The following ABCC6 variants were observed in gnomAD, a reference collection of about 807,000 sequenced individuals.
ABCC6 encodes ATP-binding cassette sub-family C member 6.
Under a neutral mutation model 169.5 loss-of-function variants are expected in ABCC6, and 126 were observed. The ratio of observed to expected loss-of-function variants is 0.74; its 90% CI spans 0.64 to 0.86. The LOEUF is 0.86. Among genes scored for constraint, ABCC6 ranks in the 40% least tolerant of loss-of-function variants. The probability of loss-of-function intolerance (pLI) is 0.00; values close to 1 mark genes in which losing one functional copy is unlikely to be tolerated. For synonymous variants in ABCC6, 752 were observed against 814.7 expected (o/e 0.92, Z 1.31); for missense variants, 1,733 against 1,927.2 (o/e 0.90, Z 1.89).
intron 4 of ABCC6, among the ~76,000 whole-genome samples, chr16:16,218,014 C>T (rs1167181992): frequency 2.0e-5 from 3 of 151,896 alleles, no homozygotes; most frequent in East Asian, 3.9e-4. Flanking sequence ...CGATTGAACC[C>T]GGAGGTGGAG....
chr16:16,152,116 C>T lies in ABCC6; in HGVS notation c.4209-1344G>A, dbSNP rs149282360. Among the ~76,000 whole-genome samples, 10 of 122,672 alleles carry T rather than the reference C, an allele frequency of 8.2e-5. No individual in the cohort carries two copies. The East Asian group carries it at 2.6e-3, about 32-fold the overall frequency. 80.5% of individuals were successfully genotyped at this position (122,672 alleles called of 152,430 possible). A position where few individuals can be genotyped will look rare whatever the true frequency, so the allele number is the denominator to read the frequency against. On this transcript the variant is annotated intron_variant, in intron 29 of 30. Transcript: ENST00000205557. ...CTGAGGCAGAAGAATGGTGTGAACC[C>T]GGGAGGCAGAGCTTGCAAGTGAGCC...
At chr16:16,207,418 CT>C (rs1302789194) in intron 7 of ABCC6, among the ~76,000 whole-genome samples, 3 of 152,146 alleles carry the variant, frequency 2.0e-5, no homozygotes, top group African/African-American at 7.2e-5. Flanking sequence ...AGGGATAGGC[CT>C]TATGGAGAGA....
rs181482647 is a variant in ABCC6 at position 16,159,669 on chromosome 16, G to A, written c.3634-86C>T. 4.0e-3 allele frequency: 4,946 copies of A among 1,246,884 alleles called. 34 individuals are homozygous for A. Among genetic ancestry groups the A allele is most frequent in the Non-Finnish European group, 3.7e-3 (3,176 of 865,512 alleles). 77.2% of individuals were successfully genotyped at this position (1,246,884 alleles called of 1,614,324 possible). A position where few individuals can be genotyped will look rare whatever the true frequency, so the allele number is the denominator to read the frequency against. On this transcript the variant is annotated intron_variant, in intron 25 of 30. Transcript: ENST00000205557. ...CCCCCTGGTTTCCCAACCTTTTCTG[G>A]GAGGCCAGACCCAGGGGAGTAAAGA...
intron 22 of ABCC6, among the ~76,000 whole-genome samples, chr16:16,168,283 G>A (rs1216543170): frequency 6.6e-6 from 1 of 152,240 alleles, no homozygotes. Flanking sequence ...CTGAGCCCAG[G>A]AGTTTGAGAC....
chr16:16,150,289 C>T (rs760027139), intron 30 of ABCC6, 48 bp from the exon 31 acceptor site: 1 of 1,611,758 alleles, frequency 6.2e-7, no homozygotes, highest in South Asian at 1.1e-5. Context: ...CCAGCCCAGG[C>T]TCTCGGCAGC....
At chr16:16,208,585 A>T in intron 7 of ABCC6, 143 bp downstream of exon 7, 1 of 1,329,046 alleles carries the variant, frequency 7.5e-7, no homozygotes, top group African/African-American at 1.5e-5. Flanking sequence ...TGTTGGCCAG[A>T]TTGGTCTTGA....
chr16:16,205,502 C>A, intron 7 of ABCC6, among the ~76,000 whole-genome samples: 1 of 152,058 alleles, frequency 6.6e-6, no homozygotes, highest in East Asian at 1.9e-4. Context: ...CTCTGTCCCA[C>A]ATTATTGGTC....
intron 2 of ABCC6, 53 bp downstream of exon 2, chr16:16,221,596 C>T (rs1276136341): frequency 6.3e-7 from 1 of 1,598,962 alleles, no homozygotes; most frequent in South Asian, 1.1e-5. Context: ...CCAGCCTGTC[C>T]CCTGCCTCCC....
At chr16:16,187,299 G>C (rs912764746) in intron 13 of ABCC6, 88 bp from the exon 14 acceptor site, 1 of 1,023,960 alleles carries the variant, frequency 9.8e-7, no homozygotes, top group South Asian at 1.3e-5. Flanking sequence ...TGTGGCAACA[G>C]CTTCCTGTCT....
At chr16:16,170,979 A>G (rs2047047576) in intron 21 of ABCC6, among the ~76,000 whole-genome samples, 1 of 148,712 alleles carries the variant, frequency 6.7e-6, no homozygotes, top group African/African-American at 2.5e-5. Context: ...AGAAATTCCA[A>G]GCTTCTTATC....
chr16:16,161,762 G>A (rs1275928113), intron 24 of ABCC6, among the ~76,000 whole-genome samples, 198 bp from the exon 25 acceptor site: 1 of 152,134 alleles, frequency 6.6e-6, no homozygotes, highest in Non-Finnish European at 1.5e-5. Context: ...AGGGTCTGGG[G>A]TACACTCGGT....
chr16:16,154,019 G>A lies in ABCC6; in HGVS notation c.4208+609C>T, dbSNP rs184622633. 1.4e-3 allele frequency among the ~76,000 whole-genome samples: 207 copies of A among 151,608 alleles called. 1 individual carries two copies. The highest frequency in any genetic ancestry group is 2.2e-3 in the Non-Finnish European group (151 of 67,926). On this transcript the variant is annotated intron_variant, in intron 29 of 30. Transcript: ENST00000205557. ...GGATGGAGTGCAGTGGTGCAATATC[G>A]GCTCACTGCAACCTTCGCCTCCCTG... is the stretch of plus-strand genomic sequence containing the variant.
chr16:16,161,185 A>G (rs554397443), intron 25 of ABCC6, among the ~76,000 whole-genome samples: 1 of 152,364 alleles, frequency 6.6e-6, no homozygotes, highest in Admixed American at 6.5e-5. Flanking sequence ...TTATAACATC[A>G]GAAGTAGTGG....
At chr16:16,173,845 A>G (rs1190015911) in intron 20 of ABCC6, among the ~76,000 whole-genome samples, 2 of 151,882 alleles carry the variant, frequency 1.3e-5, no homozygotes, top group Non-Finnish European at 2.9e-5. Flanking sequence ...CAGAATTTTT[A>G]TTTTGGCTTA....
intron 20 of ABCC6, among the ~76,000 whole-genome samples, chr16:16,174,413 A>G (rs1274462407): frequency 2.0e-5 from 3 of 152,086 alleles, no homozygotes; most frequent in Non-Finnish European, 4.4e-5. Flanking sequence ...GCCTCTCTGG[A>G]CGTATTCTGG....
At chr16:16,156,123 C>T (rs2046546529) in intron 27 of ABCC6, among the ~76,000 whole-genome samples, 1 of 152,094 alleles carries the variant, frequency 6.6e-6, no homozygotes, top group African/African-American at 2.4e-5. Context: ...ACCATGTTGG[C>T]CAGGCTGGTC....
intron 1 of ABCC6, 64 bp from the exon 2 acceptor site, chr16:16,221,895 A>C (rs561788706): frequency 2.5e-6 from 4 of 1,611,626 alleles, no homozygotes; most frequent in Non-Finnish European, 3.4e-6. Context: ...TCACCTGCCC[A>C]GGGGGCCAGG....
rs143828122 is a variant in ABCC6, at chr16:16,195,200, A to G, written c.1339-2278T>C. ...CTCAGTGTCCACTCCTCCTTCACCA[A>G]GACCTCACGGTGATGTTAGGAACTG... On this transcript the variant is annotated intron_variant, in intron 10 of 30. Transcript: ENST00000205557. Among the ~76,000 whole-genome samples the G allele has an allele frequency of 3.5e-3, 532 of 152,182 alleles. 3 individuals are homozygous for G. Among genetic ancestry groups the G allele is most frequent in the African/African-American group, 0.012 (493 of 41,508 alleles).
Position 16,165,905 on chromosome 16 carries a change from C to A in ABCC6, c.3024G>T (p.Ala1008=). The A allele has an allele frequency of 6.2e-7, 1 of 1,613,040 alleles. No individual in the cohort carries two copies. The highest frequency in any genetic ancestry group is 8.5e-7 in the Non-Finnish European group (1 of 1,180,000). The change falls in exon 23 of 31, where the codon GCG becomes GCT. Residue 1008 remains alanine (A), a synonymous_variant. Coordinates refer to ENST00000205557, the MANE Select transcript of ABCC6 (RefSeq NM_001171.6). ...QAIGLFASMA[A]VLLGGARASR... ...ATGCCCGGGCCCCACCTAGGAGCAC[C>A]GCAGCCATGGAGGCAAACAGCCCAA...
Sources: allele counts gnomAD v4.1 joint callset (sites outside exome capture counted in the v4.1 genomes callset), GRCh38; gene constraint gnomAD v4.1.1; transcripts MANE v1.5; gene names NCBI Gene and HGNC (gene_info 2026-07-23, HGNC 2026-07-21).